Variants in SAE1 observed in about 807,000 individuals in gnomAD.
The protein encoded by SAE1 is SUMO1 activating enzyme subunit 1.
SAE1 carries 11 observed loss-of-function variants against 40.6 expected under a neutral mutation model. The observed-to-expected ratio is 0.27, with a 90% CI of 0.17 to 0.45. The LOEUF is 0.45. Among genes scored for constraint, SAE1 ranks in the 20% least tolerant of loss-of-function variants. The pLI is 1.00. For synonymous variants in SAE1, 155 were observed against 154.3 expected, an observed-to-expected ratio of 1.00 and a Z score of -0.03; for missense variants, 373 against 427.3, an observed-to-expected ratio of 0.87 and a Z score of 1.12.
chr19:47,191,979 G>A (rs952324191), intron 6 of SAE1, among the ~76,000 whole-genome samples: 32 of 151,582 alleles, frequency 2.1e-4, no homozygotes, highest in South Asian at 1.5e-3. Flanking sequence ...GCGTGAACCC[G>A]GGAGGCGGAG....
At chr19:47,145,663 C>T (rs2058251567) in intron 2 of SAE1, among the ~76,000 whole-genome samples, 1 of 152,164 alleles carries the variant, frequency 6.6e-6, no homozygotes, top group African/African-American at 2.4e-5. Context: ...TCACTGCAAC[C>T]TCTGCCTCCC....
chr19:47,199,529 C>T (rs918270273), intron 7 of SAE1, among the ~76,000 whole-genome samples: 1 of 152,068 alleles, frequency 6.6e-6, no homozygotes, highest in African/African-American at 2.4e-5. Context: ...GCCAGCAGCT[C>T]GTTAGGCTGT....
chr19:47,155,406 A>G (rs554380633), intron 5 of SAE1, among the ~76,000 whole-genome samples, 193 bp downstream of exon 5: 2 of 152,112 alleles, frequency 1.3e-5, no homozygotes, highest in Admixed American at 6.5e-5. Flanking sequence ...GTGATTCCAG[A>G]TGGGATTTTT....
At position 47,197,730 on chromosome 19, in the gene SAE1, T is replaced by C. The variant is rs143211838; in HGVS notation, c.878+353T>C. On this transcript the variant is annotated intron_variant, in intron 7 of 8. Coordinates refer to ENST00000270225, the MANE Select transcript of SAE1 (RefSeq NM_005500.3). ...TTGCTCCCTCTTTTCCACAGCTCCT[T>C]AGTATTCTAGAGTGTGAAGCGATGG... 1.1e-4 allele frequency among the ~76,000 whole-genome samples: 17 copies of C among 152,344 alleles called. No individual in the cohort carries two copies. The East Asian group carries it at 3.3e-3, about 29-fold the overall frequency.
chr19:47,175,107 A>ATT (rs916783073), intron 6 of SAE1, among the ~76,000 whole-genome samples: 3,060 of 91,688 alleles, frequency 0.033, 189 homozygotes, highest in African/African-American at 0.048. Flanking sequence ...AGTGGCCTTG[A>ATT]TTTTTTTTTT....
At chr19:47,181,938 G>A (rs914834764) in intron 6 of SAE1, among the ~76,000 whole-genome samples, 3 of 151,304 alleles carry the variant, frequency 2.0e-5, no homozygotes, top group Admixed American at 6.6e-5. Flanking sequence ...TGAGTAGGTG[G>A]GATTATTGTA....
At chr19:47,147,641 T>G (rs1235043601) in intron 2 of SAE1, among the ~76,000 whole-genome samples, 1 of 149,110 alleles carries the variant, frequency 6.7e-6, no homozygotes, top group East Asian at 2.0e-4. Context: ...TTAGTAGAGA[T>G]GGGGTTTCAC....
At chr19:47,201,296 C>G (rs912018324) in intron 7 of SAE1, among the ~76,000 whole-genome samples, 3 of 146,578 alleles carry the variant, frequency 2.0e-5, no homozygotes, top group African/African-American at 7.5e-5. Flanking sequence ...ATCCACCCAG[C>G]TTGGCCTCCG....
intron 8 of SAE1, among the ~76,000 whole-genome samples, chr19:47,208,294 C>G (rs2058696004): frequency 6.6e-6 from 1 of 152,016 alleles, no homozygotes; most frequent in South Asian, 2.1e-4. Flanking sequence ...GGGTCTCACT[C>G]TGTTCCCCAG....
At chr19:47,145,386 A>T (rs1047643232) in intron 2 of SAE1, among the ~76,000 whole-genome samples, 2 of 152,106 alleles carry the variant, frequency 1.3e-5, no homozygotes, top group Non-Finnish European at 2.9e-5. Context: ...ACCTCAGGTG[A>T]TCCGCTGGCC....
intron 6 of SAE1, among the ~76,000 whole-genome samples, chr19:47,178,421 C>T (rs2058484124): frequency 6.6e-6 from 1 of 152,168 alleles, no homozygotes; most frequent in South Asian, 2.1e-4. Context: ...GGGGAAAGTA[C>T]TGTCATAGGA....
At chr19:47,164,639 CTTTTTTTTTT>C (rs1166301382) in intron 5 of SAE1, among the ~76,000 whole-genome samples, 3 of 78,394 alleles carry the variant, frequency 3.8e-5, no homozygotes, top group South Asian at 3.5e-4. Flanking sequence ...GAGAATTCAC[CTTTTTTTTTT>C]TTTTTTTTTT....
At chr19:47,147,126 C>T (rs1182192489) in intron 2 of SAE1, among the ~76,000 whole-genome samples, 1 of 147,302 alleles carries the variant, frequency 6.8e-6, no homozygotes, top group African/African-American at 2.5e-5. Context: ...ATGTGTAGCA[C>T]GAGAGGAGAG....
intron 5 of SAE1, among the ~76,000 whole-genome samples, chr19:47,157,839 C>G (rs2058333303): frequency 6.6e-6 from 1 of 152,192 alleles, no homozygotes; most frequent in Admixed American, 6.5e-5. Context: ...TGCATTCCTG[C>G]TGACAATCCC....
intron 1 of SAE1, among the ~76,000 whole-genome samples, chr19:47,133,140 T>C (rs1272160992): frequency 6.6e-6 from 1 of 152,180 alleles, no homozygotes; most frequent in African/African-American, 2.4e-5. Flanking sequence ...AGGAACCAAA[T>C]GATTTGAGGA....
At chr19:47,167,776 A>G (rs1022155440) in intron 5 of SAE1, among the ~76,000 whole-genome samples, 3 of 152,148 alleles carry the variant, frequency 2.0e-5, no homozygotes, top group African/African-American at 7.2e-5. Context: ...AACCTTTTTA[A>G]AATATAGAGA....
At chr19:47,133,015 C>G (rs1254301542) in intron 1 of SAE1, among the ~76,000 whole-genome samples, 1 of 152,082 alleles carries the variant, frequency 6.6e-6, no homozygotes, top group Middle Eastern at 3.2e-3. Context: ...GAGCCTCAGA[C>G]TTATATGGGA....
chr19:47,207,752 A>T (rs2123332345), intron 8 of SAE1, among the ~76,000 whole-genome samples: 1 of 151,840 alleles, frequency 6.6e-6, no homozygotes. Context: ...CTCCCACCTC[A>T]GCTTCCTGAG....
At chr19:47,145,261 A>G (rs1358642186) in intron 2 of SAE1, among the ~76,000 whole-genome samples, 1 of 152,008 alleles carries the variant, frequency 6.6e-6, no homozygotes, top group Non-Finnish European at 1.5e-5. Flanking sequence ...TCGGCCTCCC[A>G]AAGTGCTGGG....
Sources: allele counts gnomAD v4.1 joint callset (sites outside exome capture counted in the v4.1 genomes callset), GRCh38; gene constraint gnomAD v4.1.1; transcripts MANE v1.5; gene names NCBI Gene and HGNC (gene_info 2026-07-23, HGNC 2026-07-21).